PXDNL: variants seen among roughly 807,000 people sequenced by gnomAD.
PXDNL encodes peroxidasin like.
PXDNL carries 145 observed loss-of-function variants against 150.8 expected under a neutral mutation model. The ratio of observed to expected loss-of-function variants is 0.96; its 90% CI spans 0.84 to 1.10. The LOEUF is 1.10. Among genes scored for constraint, PXDNL ranks in the 50% least tolerant of loss-of-function variants. The probability of loss-of-function intolerance (pLI) is 0.00; values close to 1 mark genes in which losing one functional copy is unlikely to be tolerated. For synonymous variants in PXDNL, 757 were observed against 725.7 expected, an observed-to-expected ratio of 1.04 and a Z score of -0.69; for missense variants, 2,087 against 1,873.9, an observed-to-expected ratio of 1.11 and a Z score of -2.10.
chr8:51,773,054 T>A (rs1313132153), intron 1 of PXDNL, among the ~76,000 whole-genome samples: 2 of 152,172 alleles, frequency 1.3e-5, no homozygotes, highest in African/African-American at 4.8e-5. Flanking sequence ...AGGGCTAAAA[T>A]AGTTTGGAAT....
chr8:51,771,045 C>T (rs529800199), intron 1 of PXDNL, among the ~76,000 whole-genome samples: 3 of 152,346 alleles, frequency 2.0e-5, no homozygotes, highest in South Asian at 4.1e-4. Context: ...CCAAAGCATG[C>T]TGCTATCAGT....
intron 1 of PXDNL, among the ~76,000 whole-genome samples, chr8:51,790,702 G>A (rs1563322241): frequency 9.9e-6 from 1 of 101,188 alleles, no homozygotes; most frequent in African/African-American, 2.7e-5. Context: ...GGAGGGCAGC[G>A]GGGGCGAGGT....
At chr8:51,437,740 T>C (rs940235927) in intron 12 of PXDNL, among the ~76,000 whole-genome samples, 8 of 152,078 alleles carry the variant, frequency 5.3e-5, no homozygotes, top group African/African-American at 1.9e-4. Flanking sequence ...TAATACTGAA[T>C]GGAGAAAAGT....
At chr8:51,699,340 TCATGAACCAATCTCTA>T (rs1479469158) in intron 1 of PXDNL, among the ~76,000 whole-genome samples, 3 of 152,210 alleles carry the variant, frequency 2.0e-5, no homozygotes, top group Non-Finnish European at 4.4e-5. Context: ...CTCTTCAACC[TCATGAACCAATCTCTA>T]CTAGCTTCAA....
Position 51,455,792 on chromosome 8 carries a change from C to G in PXDNL, c.982+1706G>C, listed in dbSNP as rs114706549. 3.6e-3 allele frequency among the ~76,000 whole-genome samples: 552 copies of G among 152,166 alleles called. 4 individuals are homozygous for G. Among genetic ancestry groups the G allele is most frequent in the African/African-American group, 0.013 (521 of 41,520 alleles). Reference sequence around the variant, plus strand: ...GTGTAATCCCAGCACTTTGGGAGGCCTAGGCAGGAGGATCACTTAAGGACA... The same window carrying G: ...GTGTAATCCCAGCACTTTGGGAGGCGTAGGCAGGAGGATCACTTAAGGACA... On this transcript the variant is annotated intron_variant, in intron 9 of 22. Transcript: ENST00000356297.
At chr8:51,536,299 G>T (rs1471723127) in intron 4 of PXDNL, among the ~76,000 whole-genome samples, 1 of 152,230 alleles carries the variant, frequency 6.6e-6, no homozygotes, top group African/African-American at 2.4e-5. Context: ...TACTAAGTCT[G>T]CATCTAGACT....
intron 2 of PXDNL, among the ~76,000 whole-genome samples, chr8:51,630,871 G>C (rs1046228351): frequency 6.6e-6 from 1 of 152,100 alleles, no homozygotes; most frequent in Non-Finnish European, 1.5e-5. Flanking sequence ...AAGCAGTGTG[G>C]CTATTTCTCA....
At chr8:51,622,175 C>T (rs1227516305) in intron 2 of PXDNL, among the ~76,000 whole-genome samples, 1 of 152,080 alleles carries the variant, frequency 6.6e-6, no homozygotes, top group Non-Finnish European at 1.5e-5. Context: ...CCTCTGGTAG[C>T]TGAGAATAAC....
intron 1 of PXDNL, among the ~76,000 whole-genome samples, chr8:51,733,968 T>C (rs988685070): frequency 3.3e-5 from 5 of 151,634 alleles, no homozygotes; most frequent in Non-Finnish European, 5.9e-5. Flanking sequence ...TATTCCATTT[T>C]ATGTTAATAA....
chr8:51,684,186 A>G (rs1455847937), intron 1 of PXDNL, among the ~76,000 whole-genome samples: 1 of 152,208 alleles, frequency 6.6e-6, no homozygotes, highest in African/African-American at 2.4e-5. Context: ...ACAGGAAAGG[A>G]GCAGTCATTG....
In PXDNL at chr8:51,654,752, C is replaced by T; in HGVS notation, c.173G>A (p.Arg58Lys). 2 of 1,612,792 alleles carry T rather than the reference C, an allele frequency of 1.2e-6. No homozygotes were observed. The highest frequency in any genetic ancestry group is 1.7e-6 in the Non-Finnish European group (2 of 1,179,098). ...TGGAATTTCTCTTATTCTGTTAAAC[C>T]TCAAGTCTCTGGGAACATAAAAAGG... Reference protein sequence around the residue: ...VPQQTTVLDLRFNRIREIPGS... With the variant: ...VPQQTTVLDLKFNRIREIPGS... The change falls in exon 2 of 23, where the codon AGG (arginine) becomes AAG (lysine). Residue 58 changes from arginine (R) to lysine (K), a missense_variant. Transcript: ENST00000356297.
In PXDNL at chr8:51,376,057, T is replaced by C. The variant is rs1486615329; in HGVS notation, c.3558-1326A>G. 5.9e-5 allele frequency among the ~76,000 whole-genome samples: 9 copies of C among 152,366 alleles called. No individual in the cohort carries two copies. In the South Asian group the frequency reaches 1.0e-3, roughly 18 times the overall value. Reference sequence around the variant, plus strand: ...CAGAGTATAGTATCTTCAATTTTAATAGTTAATGCCAAACTGCTATATGAA... The same window carrying C: ...CAGAGTATAGTATCTTCAATTTTAACAGTTAATGCCAAACTGCTATATGAA... On this transcript the variant is annotated intron_variant, in intron 17 of 22. Coordinates refer to ENST00000356297, the MANE Select transcript of PXDNL (RefSeq NM_144651.5).
chr8:51,410,618 G>A (rs1017211065), intron 16 of PXDNL, among the ~76,000 whole-genome samples: 1 of 152,176 alleles, frequency 6.6e-6, no homozygotes, highest in Non-Finnish European at 1.5e-5. Context: ...AATAGAAATT[G>A]ATGCTGTACT....
At chr8:51,539,280 G>A (rs7829033) in intron 4 of PXDNL, among the ~76,000 whole-genome samples, 7,043 of 151,196 alleles carry the variant, frequency 0.047, 552 homozygotes, top group African/African-American at 0.16. Flanking sequence ...TTTGTTTTTC[G>A]AATGATAAAC....
At chr8:51,645,922 T>G (rs1181573020) in intron 2 of PXDNL, among the ~76,000 whole-genome samples, 1 of 151,900 alleles carries the variant, frequency 6.6e-6, no homozygotes, top group Non-Finnish European at 1.5e-5. Context: ...AAGGTGAGTG[T>G]AAGGAAAGTG....
At chr8:51,746,389 A>C (rs1378594946) in intron 1 of PXDNL, among the ~76,000 whole-genome samples, 1 of 152,176 alleles carries the variant, frequency 6.6e-6, no homozygotes, top group Non-Finnish European at 1.5e-5. Flanking sequence ...GACACTGATA[A>C]CAGTTGATTT....
At chr8:51,481,864 A>G (rs1391611727) in intron 6 of PXDNL, among the ~76,000 whole-genome samples, 2 of 152,252 alleles carry the variant, frequency 1.3e-5, no homozygotes, top group Non-Finnish European at 2.9e-5. Flanking sequence ...ATGTATAGAA[A>G]TGCCTGAATG....
At chr8:51,672,078 T>A (rs547938803) in intron 1 of PXDNL, among the ~76,000 whole-genome samples, 29 of 152,158 alleles carry the variant, frequency 1.9e-4, no homozygotes, top group Non-Finnish European at 5.9e-5. Flanking sequence ...GCCTCCCAGG[T>A]TCAAGCGATT....
At chr8:51,490,056 T>C (rs1222134994) in intron 5 of PXDNL, among the ~76,000 whole-genome samples, 2 of 152,186 alleles carry the variant, frequency 1.3e-5, no homozygotes, top group South Asian at 2.1e-4. Flanking sequence ...ATGGTTTATA[T>C]AATTTGATTG....
Sources: gnomAD v4.1 joint callset for allele counts (sites outside exome capture counted in the v4.1 genomes callset) on GRCh38, gnomAD v4.1.1 for gene constraint, MANE v1.5 for transcripts, NCBI Gene and HGNC (gene_info 2026-07-23, HGNC 2026-07-21) for gene names.